Variants in DSCAML1 observed in about 807,000 individuals in gnomAD.
The protein encoded by DSCAML1 is cell adhesion molecule DSCAML1.
In DSCAML1, 38 loss-of-function variants were observed where a neutral mutation model predicts 200.5. That is an observed-to-expected ratio of 0.19 (90% CI 0.15 to 0.25). The LOEUF (loss-of-function observed/expected upper bound fraction) is 0.25, where lower values mean the gene tolerates loss of function less well. Ranked by LOEUF, DSCAML1 falls within the 10% of genes least tolerant of loss-of-function variation. The pLI is 1.00. For synonymous variants in DSCAML1, 1,215 were observed against 1,165.0 expected (o/e 1.04, Z -0.87); for missense variants, 2,223 against 2,858.8 (o/e 0.78, Z 5.07).
chr11:117,722,429 C>A (rs905551449), intron 3 of DSCAML1, among the ~76,000 whole-genome samples: 1 of 151,990 alleles, frequency 6.6e-6, no homozygotes, highest in Non-Finnish European at 1.5e-5. Context: ...AAAGTTACTG[C>A]TAGATAGGAG....
intron 3 of DSCAML1, among the ~76,000 whole-genome samples, chr11:117,737,445 C>T (rs1293843422): frequency 6.6e-6 from 1 of 152,132 alleles, no homozygotes; most frequent in Non-Finnish European, 1.5e-5. Context: ...GGGAGCACAC[C>T]TCAGAGCTCA....
At chr11:117,607,458 G>A (rs1446558092) in intron 3 of DSCAML1, among the ~76,000 whole-genome samples, 1 of 152,238 alleles carries the variant, frequency 6.6e-6, no homozygotes, top group Non-Finnish European at 1.5e-5. Flanking sequence ...AGACTGCCAT[G>A]CACTGTTGTA....
rs1452693850 is a variant in DSCAML1, at chr11:117,428,571, A to C, written c.5919T>G (p.Thr1973=). The C allele has an allele frequency of 7.0e-6, 11 of 1,578,492 alleles. No individual in the cohort carries two copies. Among genetic ancestry groups the C allele is most frequent in the Non-Finnish European group, 9.5e-6 (11 of 1,162,724 alleles). The stretch of plus-strand genomic sequence containing the variant: ...CGGCTGGGGGGGCTGGCATGGCCAG[A>C]GTCCTCTGAGGTAAGGTGGCTGTGG... The part of the protein sequence containing the change: ...AASTATLPQR[T]LAMPAPPAGT... Residue 1973 remains threonine (T), a synonymous_variant, in exon 33 of 33, where the codon ACT becomes ACG. Coordinates refer to ENST00000651296, the MANE Select transcript of DSCAML1 (RefSeq NM_020693.4).
chr11:117,803,494 A>G (rs2055680315), intron 1 of DSCAML1, among the ~76,000 whole-genome samples: 1 of 152,160 alleles, frequency 6.6e-6, no homozygotes, highest in Non-Finnish European at 1.5e-5. Flanking sequence ...ATCTTTCTAA[A>G]TTAATAATCA....
At chr11:117,598,288 A>G (rs975211810) in intron 3 of DSCAML1, among the ~76,000 whole-genome samples, 1 of 152,260 alleles carries the variant, frequency 6.6e-6, no homozygotes. Flanking sequence ...AAAATTAAAA[A>G]GATAGTAGTT....
rs2049783398 is a variant in DSCAML1, at chr11:117,516,993, TACATGCCTTGGCC to T, written c.1511-267_1511-255del. Among the ~76,000 whole-genome samples, 2 of 152,176 alleles carry T rather than the reference TACATGCCTTGGCC, an allele frequency of 1.3e-5. No individual in the cohort carries two copies. The highest frequency in any genetic ancestry group is 1.3e-4 in the Admixed American group (2 of 15,276). On this transcript the variant is annotated intron_variant, in intron 7 of 32. Coordinates refer to ENST00000651296, the MANE Select transcript of DSCAML1 (RefSeq NM_020693.4). The surrounding 1 kb of genome is among the most constrained non-coding windows in gnomAD (Gnocchi z 5.7). ...AAGAGTTGCAAACGGACGCAGTATA[TACATGCCTTGGCC>T]AAGAGCCATTCCCCTCGTGGGACAG...
chr11:117,478,980 CAT>C (rs1327508799), intron 14 of DSCAML1, among the ~76,000 whole-genome samples: 36 of 152,380 alleles, frequency 2.4e-4, no homozygotes, highest in African/African-American at 8.2e-4. Flanking sequence ...TCTCTGTAGA[CAT>C]GTGTATCAAA....
At chr11:117,577,499 TTCCTTCCCTCCTTCCTTCCTTCCTTCC>T (rs2050963335) in intron 3 of DSCAML1, among the ~76,000 whole-genome samples, 3 of 16,404 alleles carry the variant, frequency 1.8e-4, no homozygotes, top group Non-Finnish European at 5.8e-4. Flanking sequence ...CCTTCCTTCC[TTCCTTCCCTCCTTCCTTCCTTCCTTCC>T]TTCCTTCCTT....
At chr11:117,801,080 GTACT>G (rs2055652719), upstream of DSCAML1, 2 of 152,266 alleles carry the variant, frequency 1.3e-5, no homozygotes, top group East Asian at 1.9e-4. Context: ...GACCTTCTTA[GTACT>G]TACTTATCAG....
chr11:117,755,971 T>C (rs922877273), intron 3 of DSCAML1, among the ~76,000 whole-genome samples: 2 of 152,218 alleles, frequency 1.3e-5, no homozygotes, highest in Non-Finnish European at 2.9e-5. Flanking sequence ...TGTCGGGTAA[T>C]ACCAACAGAG....
chr11:117,607,372 T>C (rs2051588288), intron 3 of DSCAML1, among the ~76,000 whole-genome samples: 2 of 152,104 alleles, frequency 1.3e-5, no homozygotes, highest in Non-Finnish European at 2.9e-5. Flanking sequence ...TGTGTAGGTC[T>C]AGTGTTCTGG....
chr11:117,440,865 G>A (rs1367519060), intron 21 of DSCAML1, among the ~76,000 whole-genome samples: 1 of 143,808 alleles, frequency 7.0e-6, no homozygotes, highest in African/African-American at 2.6e-5. Context: ...AGGTTGCAGT[G>A]AGCCGAGATC....
intron 3 of DSCAML1, among the ~76,000 whole-genome samples, chr11:117,676,174 A>C (rs61903820): frequency 4.9e-5 from 3 of 61,084 alleles, no homozygotes; most frequent in African/African-American, 2.3e-4. Flanking sequence ...TTTTGATTAC[A>C]AAAAAAAAAA....
chr11:117,450,397 A>G, intron 20 of DSCAML1, 152 bp downstream of exon 20: 1 of 1,093,136 alleles, frequency 9.1e-7, no homozygotes, highest in Non-Finnish European at 1.3e-6. Context: ...GGCTTCGGCC[A>G]CTCTGGGTGG....
intron 1 of DSCAML1, among the ~76,000 whole-genome samples, chr11:117,815,078 T>C (rs930197881): frequency 1.1e-4 from 17 of 152,326 alleles, no homozygotes; most frequent in Middle Eastern, 3.4e-3. Context: ...GTCAAGTGTG[T>C]CTTTTTGTCT....
At chr11:117,719,069 T>A (rs913558241) in intron 3 of DSCAML1, among the ~76,000 whole-genome samples, 2 of 152,088 alleles carry the variant, frequency 1.3e-5, no homozygotes, top group Non-Finnish European at 2.9e-5. Context: ...GTGCTAAGTG[T>A]TTTAGTGCAT....
chr11:117,573,312 G>A (rs969465069), intron 3 of DSCAML1, among the ~76,000 whole-genome samples: 8 of 152,210 alleles, frequency 5.3e-5, no homozygotes, highest in African/African-American at 1.2e-4. Flanking sequence ...GACACGGGTG[G>A]TTATCAATTA....
intron 3 of DSCAML1, among the ~76,000 whole-genome samples, chr11:117,676,173 C>CA (rs11366733): frequency 2.9e-4 from 42 of 143,732 alleles, no homozygotes; most frequent in Non-Finnish European, 4.3e-4. Flanking sequence ...GTTTTGATTA[C>CA]AAAAAAAAAA....
At chr11:117,629,869 A>G (rs1488305324) in intron 3 of DSCAML1, among the ~76,000 whole-genome samples, 1 of 152,300 alleles carries the variant, frequency 6.6e-6, no homozygotes, top group African/African-American at 2.4e-5. Context: ...GCATGGTGGC[A>G]TATGCCTGTA....
Sources: gnomAD v4.1 joint callset for allele counts (sites outside exome capture counted in the v4.1 genomes callset) on GRCh38, gnomAD v4.1.1 for gene constraint, Gnocchi (gnomAD v3.1) non-coding constraint, MANE v1.5 for transcripts, NCBI Gene and HGNC (gene_info 2026-07-23, HGNC 2026-07-21) for gene names.